Variants in TBC1D8 observed in about 807,000 individuals in gnomAD.
TBC1D8 encodes BUB2-like protein 1.
A neutral mutation model predicts 118.8 loss-of-function variants in TBC1D8; 65 were observed. The ratio of observed to expected loss-of-function variants is 0.55; its 90% confidence interval spans 0.45 to 0.67. The LOEUF is 0.67. Among genes scored for constraint, TBC1D8 ranks in the 30% least tolerant of loss-of-function variants. TBC1D8 has a pLI of 0.00. For synonymous variants in TBC1D8, 566 were observed against 595.8 expected, an observed-to-expected ratio of 0.95 and a Z score of 0.73; for missense variants, 1,376 against 1,471.2, an observed-to-expected ratio of 0.94 and a Z score of 1.06.
Position 101,029,486 on chromosome 2 carries a change from C to T in TBC1D8, c.2222+5G>A. On this transcript the variant is annotated splice_donor_5th_base_variant and intron_variant, in intron 12 of 19. Coordinates refer to ENST00000409318, the MANE Select transcript of TBC1D8 (RefSeq NM_001330348.2). The stretch of plus-strand genomic sequence containing the variant: ...GGTTGGCCACAGAGGTGCAGCGGGG[C>T]CCACCTGCTGAGGATCATCAAGGCC... 1 of 1,607,990 alleles carries T rather than the reference C, an allele frequency of 6.2e-7. No individual in the cohort carries two copies. Among genetic ancestry groups the T allele is most frequent in the African/African-American group, 1.3e-5 (1 of 74,922 alleles).
chr2:101,131,369 G>A (rs995752785), intron 1 of TBC1D8, among the ~76,000 whole-genome samples: 2 of 152,112 alleles, frequency 1.3e-5, no homozygotes, highest in East Asian at 1.9e-4. Flanking sequence ...AACATTAGCC[G>A]GGCATGGTGG....
chr2:101,018,915 T>A, intron 17 of TBC1D8: 1 of 1,540,826 alleles, frequency 6.5e-7, no homozygotes, highest in Admixed American at 1.9e-5. Flanking sequence ...GTGAAAACTG[T>A]TGATGTCCTA....
chr2:101,095,249 T>TTTATTATTA (rs61200526), intron 1 of TBC1D8, among the ~76,000 whole-genome samples: 48,068 of 146,444 alleles, frequency 0.33, 8,151 homozygotes, highest in African/African-American at 0.39. Flanking sequence ...AAGTATTTTC[T>TTTATTATTA]TTATTATTAT....
intron 1 of TBC1D8, among the ~76,000 whole-genome samples, chr2:101,132,401 C>T (rs116334064): frequency 1.5e-3 from 221 of 152,226 alleles, no homozygotes; most frequent in African/African-American, 5.1e-3. Flanking sequence ...GCCAGGTGAC[C>T]CCATGATGTC....
At chr2:101,048,086 TCA>T (rs1426269929) in intron 5 of TBC1D8, among the ~76,000 whole-genome samples, 1 of 152,134 alleles carries the variant, frequency 6.6e-6, no homozygotes, top group African/African-American at 2.4e-5. Flanking sequence ...ACGGTTGCAC[TCA>T]CACGCCCATG....
intron 1 of TBC1D8, among the ~76,000 whole-genome samples, chr2:101,102,692 G>C (rs905814262): frequency 6.6e-6 from 1 of 152,104 alleles, no homozygotes; most frequent in African/African-American, 2.4e-5. Flanking sequence ...AGCAGGAGTA[G>C]CTGTATTAAT....
At chr2:101,126,857 T>C (rs973749493) in intron 1 of TBC1D8, among the ~76,000 whole-genome samples, 1 of 152,200 alleles carries the variant, frequency 6.6e-6, no homozygotes, top group African/African-American at 2.4e-5. Flanking sequence ...CAAGAGAGTT[T>C]CTCTGTCCAA....
chr2:101,032,392 G>A lies in TBC1D8; in HGVS notation c.1819-7C>T, dbSNP rs576422216. The A allele has an allele frequency of 2.4e-5, 39 of 1,611,588 alleles. No homozygotes were observed. The highest frequency in any genetic ancestry group is 1.9e-4 in the South Asian group (17 of 90,954). ...AGGTCAGGATGTTCATGGACTGCTC[G>A]GGGGTCAAGGAGGGCAGTTACTGAC... On this transcript the variant is annotated splice_region_variant and splice_polypyrimidine_tract_variant and intron_variant, in intron 10 of 19. Transcript: ENST00000409318.
In TBC1D8 at chr2:101,029,581, A is replaced by G. The variant is rs1680551345; in HGVS notation, c.2132T>C (p.Ile711Thr). The G allele has an allele frequency of 6.2e-7, 1 of 1,613,918 alleles. No homozygotes were observed. The highest frequency in any genetic ancestry group is 1.1e-5 in the South Asian group (1 of 91,074). The change falls in exon 12 of 20, where the codon ATC becomes ACC. Residue 711 changes from isoleucine (I) to threonine (T), a missense_variant. Ile to Thr is a moderately conservative substitution (Grantham distance 89). Coordinates refer to ENST00000409318, the MANE Select transcript of TBC1D8 (RefSeq NM_001330348.2). ...AAGCACAGCCAGTCCCAGCTGGAAG[A>G]TGGCTTTGATGCCATCATAGAAGAA... ...DCFFYDGIKA[I>T]FQLGLAVLEA...
rs200178666 is a variant in TBC1D8, at chr2:101,029,472, G to C, written c.2222+19C>G. ...CCTCCTCCATCTCTGGTTGGCCACA[G>C]AGGTGCAGCGGGGCCCACCTGCTGA... On this transcript the variant is annotated intron_variant, in intron 12 of 19. Transcript: ENST00000409318. 3.0e-4 allele frequency: 474 copies of C among 1,603,046 alleles called. 1 individual carries two copies. In the African/African-American group the frequency reaches 5.8e-3, roughly 20 times the overall value.
rs117305779 is a variant in TBC1D8, at chr2:101,080,375, G to A, written c.283+9834C>T. Among the ~76,000 whole-genome samples the A allele has an allele frequency of 6.8e-4, 104 of 152,104 alleles. 2 individuals are homozygous for A. In the East Asian group the frequency reaches 0.02, roughly 29 times the overall value. On this transcript the variant is annotated intron_variant, in intron 2 of 19. Coordinates refer to ENST00000409318, the MANE Select transcript of TBC1D8 (RefSeq NM_001330348.2). ...TGTTCTGTTCTTGAAAAAAAGATGG[G>A]GTTGGCACTTCCTTCGCTACCCTGG... is the stretch of plus-strand genomic sequence containing the variant.
In TBC1D8 at chr2:101,037,705, A is replaced by G; in HGVS notation, c.1279T>C (p.Ser427Pro). 2.0e-5 allele frequency: 32 copies of G among 1,612,950 alleles called. No individual in the cohort carries two copies. Among genetic ancestry groups the G allele is most frequent in the Non-Finnish European group, 2.6e-5 (31 of 1,179,892 alleles). Residue 427 changes from serine to proline, a missense_variant, in exon 8 of 20, where the codon TCA becomes CCA. Physicochemically the swap from Ser to Pro is moderately conservative, Grantham distance 74 (BLOSUM62 -1). Coordinates refer to ENST00000409318, the MANE Select transcript of TBC1D8 (RefSeq NM_001330348.2). ...ATGCTTGTTGAATGAAACACGAGTG[A>G]AGCCTGCACAGCAAGAGAGACAGAG... ...YDTSADDDMASLVFHSTSMCS... is the reference protein window; with the variant it reads ...YDTSADDDMAPLVFHSTSMCS...
At chr2:101,084,662 A>G (rs1196370625) in intron 2 of TBC1D8, among the ~76,000 whole-genome samples, 1 of 152,112 alleles carries the variant, frequency 6.6e-6, no homozygotes, top group East Asian at 1.9e-4. Context: ...CCTGTTATTC[A>G]TGTTGCTATC....
intron 1 of TBC1D8, among the ~76,000 whole-genome samples, chr2:101,132,603 G>A (rs1678643834): frequency 6.6e-6 from 1 of 152,012 alleles, no homozygotes; most frequent in African/African-American, 2.4e-5. Flanking sequence ...AAGTTGTTTT[G>A]TTTGAGATAG....
At chr2:101,111,427 G>C (rs991059245) in intron 1 of TBC1D8, among the ~76,000 whole-genome samples, 1 of 152,208 alleles carries the variant, frequency 6.6e-6, no homozygotes, top group Non-Finnish European at 1.5e-5. Flanking sequence ...CTGGTGGAAC[G>C]AGCCTGCCGA....
intron 5 of TBC1D8, among the ~76,000 whole-genome samples, chr2:101,047,095 G>GGCA (rs1374354896): frequency 1.1e-4 from 17 of 152,152 alleles, no homozygotes; most frequent in Admixed American, 2.6e-4. Context: ...TCCCTCTGTG[G>GGCA]GCAGCTCCTC....
intron 3 of TBC1D8, among the ~76,000 whole-genome samples, chr2:101,057,206 C>T (rs922054866): frequency 1.3e-5 from 2 of 152,118 alleles, no homozygotes; most frequent in Non-Finnish European, 2.9e-5. Context: ...TTTAAAGGTC[C>T]ATTTGTCGAG....
intron 3 of TBC1D8, among the ~76,000 whole-genome samples, chr2:101,055,290 G>C (rs1159110737): frequency 2.0e-5 from 3 of 151,904 alleles, no homozygotes; most frequent in Non-Finnish European, 2.9e-5. Context: ...TTGGGAGGCT[G>C]AGGCACAAGA....
intron 17 of TBC1D8, chr2:101,019,208 T>C: frequency 3.9e-6 from 3 of 767,384 alleles, no homozygotes; most frequent in Middle Eastern, 3.9e-4. Context: ...AAGGTACTGA[T>C]GTCTTCTGCC....
Sources: gnomAD v4.1 joint callset for allele counts (sites outside exome capture counted in the v4.1 genomes callset) on GRCh38, gnomAD v4.1.1 for gene constraint, MANE v1.5 for transcripts, NCBI Gene and HGNC (gene_info 2026-07-23, HGNC 2026-07-21) for gene names.